The following ADAMTSL1 variants were observed in gnomAD, a reference collection of about 807,000 sequenced individuals.
ADAMTSL1 encodes ADAMTS-like protein 1.
ADAMTSL1 carries 126 observed loss-of-function variants against 201.8 expected under a neutral mutation model. The ratio of observed to expected loss-of-function variants is 0.62; its 90% confidence interval spans 0.54 to 0.72. ADAMTSL1 has a LOEUF of 0.72. ADAMTSL1 is among the 30% of genes least tolerant of loss of function. The probability of loss-of-function intolerance (pLI) is 0.00; values close to 1 mark genes in which losing one functional copy is unlikely to be tolerated. For synonymous variants in ADAMTSL1, 1,121 were observed against 903.4 expected (o/e 1.24, Z -4.32); for missense variants, 2,679 against 2,277.8 (o/e 1.18, Z -3.59).
chr9:18,578,732 G>A (rs970403203), intron 4 of ADAMTSL1, among the ~76,000 whole-genome samples: 2 of 151,836 alleles, frequency 1.3e-5, no homozygotes, highest in Admixed American at 6.6e-5. Context: ...ATAGTCATTT[G>A]GGTATATACC....
upstream of ADAMTSL1, among the ~76,000 whole-genome samples, chr9:18,470,523 T>G (rs1410481190): frequency 1.3e-5 from 2 of 152,158 alleles, no homozygotes; most frequent in Non-Finnish European, 2.9e-5. Context: ...GAGGGGAGAT[T>G]AGGCCCTGCC....
chr9:18,282,004 C>T (rs961197479), intron 2 of ADAMTSL1, among the ~76,000 whole-genome samples: 1 of 152,134 alleles, frequency 6.6e-6, no homozygotes, highest in Non-Finnish European at 1.5e-5. Context: ...TGTACATTTT[C>T]CTCACCTGGG....
chr9:18,036,339 G>A (rs542673729), intron 1 of ADAMTSL1, among the ~76,000 whole-genome samples: 33 of 152,212 alleles, frequency 2.2e-4, no homozygotes, highest in Middle Eastern at 3.4e-3. Flanking sequence ...TGGATTCTCC[G>A]TATACTCTGC....
At chr9:17,999,777 C>T (rs1218596774) in intron 1 of ADAMTSL1, among the ~76,000 whole-genome samples, 1 of 149,618 alleles carries the variant, frequency 6.7e-6, no homozygotes, top group Non-Finnish European at 1.5e-5. Context: ...ACCACAGTCC[C>T]CAGAGTGTGA....
intron 4 of ADAMTSL1, among the ~76,000 whole-genome samples, chr9:18,593,915 A>G (rs1011669797): frequency 6.6e-6 from 1 of 152,100 alleles, no homozygotes; most frequent in African/African-American, 2.4e-5. Flanking sequence ...ATAAATATCT[A>G]TTAGATCCAT....
chr9:18,327,621 A>G (rs1834878435), intron 2 of ADAMTSL1, among the ~76,000 whole-genome samples: 1 of 152,204 alleles, frequency 6.6e-6, no homozygotes. Flanking sequence ...GATCACCAAT[A>G]GTTACACTTC....
chr9:18,009,353 C>G (rs1020327951), intron 1 of ADAMTSL1, among the ~76,000 whole-genome samples: 2 of 151,964 alleles, frequency 1.3e-5, no homozygotes, highest in Non-Finnish European at 1.5e-5. Flanking sequence ...AAACCTTGTA[C>G]TCACTTCTAA....
At chr9:18,252,092 G>A (rs1050806722) in intron 2 of ADAMTSL1, among the ~76,000 whole-genome samples, 1 of 151,972 alleles carries the variant, frequency 6.6e-6, no homozygotes, top group African/African-American at 2.4e-5. Context: ...TTTTAAATTG[G>A]ATGATATAGT....
chr9:18,891,336 CGTTTTGTTAGATAA>C (rs999436651), intron 25 of ADAMTSL1, among the ~76,000 whole-genome samples: 4 of 152,196 alleles, frequency 2.6e-5, no homozygotes, highest in Middle Eastern at 3.4e-3. Flanking sequence ...GTTTTTTAAC[CGTTTTGTTAGATAA>C]ATTTTCTCCA....
At chr9:18,239,180 G>A (rs77494720) in intron 2 of ADAMTSL1, among the ~76,000 whole-genome samples, 1 of 152,058 alleles carries the variant, frequency 6.6e-6, no homozygotes, top group Non-Finnish European at 1.5e-5. Context: ...GGTGGTGAAG[G>A]GTAGGGTAGC....
chr9:18,414,715 T>C (rs188317975), intron 2 of ADAMTSL1, among the ~76,000 whole-genome samples: 3 of 152,232 alleles, frequency 2.0e-5, no homozygotes, highest in Admixed American at 1.3e-4. Context: ...ATAGAGGCTG[T>C]ACAACAGAGT....
chr9:18,154,783 G>C (rs1191757012), intron 1 of ADAMTSL1, among the ~76,000 whole-genome samples: 3 of 152,022 alleles, frequency 2.0e-5, no homozygotes, highest in Non-Finnish European at 2.9e-5. Flanking sequence ...AGAAATGGGT[G>C]GGAAGAAAAG....
At chr9:18,414,538 GTC>G (rs1818589836) in intron 2 of ADAMTSL1, among the ~76,000 whole-genome samples, 1 of 152,164 alleles carries the variant, frequency 6.6e-6, no homozygotes, top group Non-Finnish European at 1.5e-5. Context: ...GAAACCGGAT[GTC>G]AGGCAGTGAT....
At position 17,936,234 on chromosome 9, in the gene ADAMTSL1, C is replaced by G. The variant is rs189161637; in HGVS notation, c.87+29312C>G. Reference sequence around the variant, plus strand: ...GTCATTTTACAGACTTATTATGTATCTCCTTTGCAACTTCACATAATAATT... The same window carrying G: ...GTCATTTTACAGACTTATTATGTATGTCCTTTGCAACTTCACATAATAATT... On this transcript the variant is annotated intron_variant, in intron 1 of 29. Transcript: ENST00000680146. Among the ~76,000 whole-genome samples, 562 of 152,220 alleles carry G rather than the reference C, an allele frequency of 3.7e-3. 3 individuals are homozygous for G. Among genetic ancestry groups the G allele is most frequent in the Non-Finnish European group, 6.1e-3 (415 of 68,008 alleles).
chr9:18,725,093 G>A (rs1564184650), intron 15 of ADAMTSL1, among the ~76,000 whole-genome samples: 1 of 151,956 alleles, frequency 6.6e-6, no homozygotes, highest in Non-Finnish European at 1.5e-5. Context: ...TTTTTAGTAG[G>A]GACGGGGTTT....
chr9:18,107,826 G>A (rs1387876841), intron 1 of ADAMTSL1, among the ~76,000 whole-genome samples: 2 of 152,092 alleles, frequency 1.3e-5, no homozygotes, highest in Non-Finnish European at 2.9e-5. Flanking sequence ...GTACAGATTA[G>A]AAAGTTACGC....
In ADAMTSL1 at chr9:18,114,928, T is replaced by A. The variant is rs569576999; in HGVS notation, c.88-48934T>A. ...AAGGTAAGTCAAGAGAGTTTGGACATAAGCCACCGTGGTCGACTTTCTCCG... is the reference window on the plus strand; with the variant it reads ...AAGGTAAGTCAAGAGAGTTTGGACAAAAGCCACCGTGGTCGACTTTCTCCG... On this transcript the variant is annotated intron_variant, in intron 1 of 29. Coordinates refer to the ADAMTSL1 transcript ENST00000680146. 3.9e-5 allele frequency among the ~76,000 whole-genome samples: 6 copies of A among 152,310 alleles called. No individual in the cohort carries two copies. In the South Asian group the frequency reaches 1.2e-3, roughly 32 times the overall value.
chr9:18,711,988 C>A (rs1460437741), intron 14 of ADAMTSL1, among the ~76,000 whole-genome samples: 4 of 152,218 alleles, frequency 2.6e-5, no homozygotes, highest in Admixed American at 2.0e-4. Context: ...CAGGGGCAGA[C>A]TGACACCTCA....
intron 1 of ADAMTSL1, among the ~76,000 whole-genome samples, chr9:18,037,686 C>G (rs1320873692): frequency 6.6e-6 from 1 of 152,100 alleles, no homozygotes; most frequent in African/African-American, 2.4e-5. Context: ...GAACCCAAAT[C>G]CTGATGCATA....
Sources: gnomAD v4.1 joint callset for allele counts (sites outside exome capture counted in the v4.1 genomes callset) on GRCh38, gnomAD v4.1.1 for gene constraint, MANE v1.5 for transcripts, NCBI Gene and HGNC (gene_info 2026-07-23, HGNC 2026-07-21) for gene names.